Variants in MYO9B observed in about 807,000 individuals in gnomAD.
The protein encoded by MYO9B is unconventional myosin-IXb.
MYO9B carries 71 observed loss-of-function variants against 229.5 expected under a neutral mutation model. The ratio of observed to expected loss-of-function variants is 0.31; its 90% CI spans 0.26 to 0.38. MYO9B has a LOEUF of 0.38. Among genes scored for constraint, MYO9B ranks in the 10% least tolerant of loss-of-function variants. The pLI, the probability that MYO9B is intolerant of heterozygous loss-of-function variation, is 1.00. For synonymous variants in MYO9B, 1,185 were observed against 1,235.8 expected (o/e 0.96, Z 0.86); for missense variants, 2,255 against 2,920.5 (o/e 0.77, Z 5.25).
At chr19:17,154,133 G>A in intron 5 of MYO9B, 67 bp downstream of exon 5, 1 of 1,509,246 alleles carries the variant, frequency 6.6e-7, no homozygotes, top group Non-Finnish European at 9.2e-7. Context: ...TTTATGTATA[G>A]CCGGGAAGTC....
intron 2 of MYO9B, among the ~76,000 whole-genome samples, chr19:17,124,570 G>A (rs1325262789): frequency 6.6e-6 from 1 of 151,860 alleles, no homozygotes; most frequent in Non-Finnish European, 1.5e-5. Context: ...TCAGGAGTTC[G>A]AGCTCAGCCT....
chr19:17,082,788 C>G (rs1382803008), intron 1 of MYO9B, among the ~76,000 whole-genome samples: 1 of 152,060 alleles, frequency 6.6e-6, no homozygotes, highest in Non-Finnish European at 1.5e-5. Flanking sequence ...GTTCCTTTCC[C>G]CTGGGTGGTC....
At chr19:17,131,106 C>A (rs192298152) in intron 2 of MYO9B, among the ~76,000 whole-genome samples, 1 of 152,254 alleles carries the variant, frequency 6.6e-6, no homozygotes, top group East Asian at 1.9e-4. Context: ...TCAGTGTTTC[C>A]TCTTAGTAAT....
chr19:17,163,092 C>T lies in MYO9B; in HGVS notation c.1641C>T (p.Tyr547=), dbSNP rs376993100. The T allele has an allele frequency of 1.9e-6, 3 of 1,563,836 alleles. No homozygotes were observed. In the African/African-American group the frequency reaches 4.1e-5, roughly 21 times the overall value. Residue 547 remains tyrosine (Y), a synonymous_variant, in exon 10 of 40, where the codon TAC becomes TAT. Coordinates refer to ENST00000682292, the MANE Select transcript of MYO9B (RefSeq NM_004145.4). ...ACGCCAATGAGCAGCTGCAGTATTA[C>T]TTCAACCAGCACATCTTCAAGCTGG... The part of the protein sequence containing the change: ...INYANEQLQY[Y]FNQHIFKLEQ...
At chr19:17,099,726 GAGA>G (rs2057726427) in intron 1 of MYO9B, among the ~76,000 whole-genome samples, 1 of 151,456 alleles carries the variant, frequency 6.6e-6, no homozygotes, top group African/African-American at 2.4e-5. Context: ...GCTGAGGCAG[GAGA>G]ATGGCGTGAA....
intron 1 of MYO9B, among the ~76,000 whole-genome samples, chr19:17,079,370 C>T (rs924533325): frequency 1.3e-5 from 2 of 152,124 alleles, no homozygotes; most frequent in African/African-American, 4.8e-5. Flanking sequence ...GGGTAGGCAA[C>T]GTGCCCGAGG....
chr19:17,102,398 C>A lies in MYO9B; in HGVS notation c.681C>A (p.Leu227=). 1 of 1,614,018 alleles carries A rather than the reference C, an allele frequency of 6.2e-7. No homozygotes were observed. Among genetic ancestry groups the A allele is most frequent in the South Asian group, 1.1e-5 (1 of 91,086 alleles). ...ALADVAYYTM[L]RKRVNQCIVI... ...CCGACGTGGCCTACTACACCATGCT[C>A]AGGAAGCGCGTGAACCAGTGCATCG... Residue 227 remains leucine (L), a synonymous_variant, in exon 2 of 40, where the codon CTC becomes CTA. Transcript: ENST00000682292.
At chr19:17,160,187 G>A (rs2072582666) in intron 8 of MYO9B, among the ~76,000 whole-genome samples, 1 of 152,180 alleles carries the variant, frequency 6.6e-6, no homozygotes, top group South Asian at 2.1e-4. Context: ...CACCCGATGG[G>A]AAGCTGCTGT....
At chr19:17,210,977 CTT>C (rs35355662) in intron 38 of MYO9B, 129 bp downstream of exon 38, 15,324 of 325,268 alleles carry the variant, frequency 0.047, no homozygotes, top group Middle Eastern at 0.059. Context: ...GCAAACAACA[CTT>C]TTTTTTTTTT....
chr19:17,125,755 A>C (rs900847534), intron 2 of MYO9B, among the ~76,000 whole-genome samples: 2 of 152,170 alleles, frequency 1.3e-5, no homozygotes, highest in Non-Finnish European at 2.9e-5. Flanking sequence ...CGTCCATCTG[A>C]CCAGCAACCA....
chr19:17,153,013 G>A (rs536555284), intron 4 of MYO9B, among the ~76,000 whole-genome samples: 65 of 152,258 alleles, frequency 4.3e-4, no homozygotes, highest in Admixed American at 2.2e-3. Context: ...ATGGTAGCAC[G>A]TGCCTGTAGT....
intron 1 of MYO9B, among the ~76,000 whole-genome samples, chr19:17,080,433 A>G (rs539837597): frequency 2.0e-5 from 3 of 152,240 alleles, no homozygotes; most frequent in East Asian, 1.9e-4. Context: ...TGGCTCATAC[A>G]TAGCCGTCTT....
intron 2 of MYO9B, among the ~76,000 whole-genome samples, chr19:17,120,505 T>C (rs2057951929): frequency 6.6e-6 from 1 of 150,846 alleles, no homozygotes; most frequent in Non-Finnish European, 1.5e-5. Flanking sequence ...TAGCCAGGCA[T>C]GTGCCTGTAA....
At chr19:17,187,620 A>G (rs2072933491) in intron 18 of MYO9B, among the ~76,000 whole-genome samples, 2 of 142,288 alleles carry the variant, frequency 1.4e-5, no homozygotes, top group African/African-American at 5.4e-5. Context: ...GAGTCTCACT[A>G]TGTTGCCCAG....
At chr19:17,111,834 T>C (rs2057850694) in intron 2 of MYO9B, among the ~76,000 whole-genome samples, 1 of 152,208 alleles carries the variant, frequency 6.6e-6, no homozygotes, top group Non-Finnish European at 1.5e-5. Flanking sequence ...CCTGTCTCTA[T>C]GGATCTGCCT....
Position 17,172,375 on chromosome 19 carries a change from C to G in MYO9B, c.1833C>G (p.Phe611Leu), listed in dbSNP as rs1268142870. ...HATSQTLLAK[F>L]KQQHEDNKYF... is the part of the protein sequence containing the mutation. ...CGAGCCAGACCCTGCTGGCCAAGTT[C>G]AAACAGCAACATGAGGACAATAAGT... The change falls in exon 12 of 40, where the codon TTC becomes TTG. Residue 611 changes from phenylalanine to leucine, a missense_variant. By Grantham distance (22) the Phe-to-Leu change is conservative. This residue lies in a region of MYO9B where 220 missense variants were observed against 404.5 expected (regional missense o/e 0.54). Transcript: ENST00000682292. The surrounding 1 kb of genome is among the most constrained non-coding windows in gnomAD (Gnocchi z 8.2). 1 of 1,613,888 alleles carries G rather than the reference C, an allele frequency of 6.2e-7. No individual in the cohort carries two copies. Among genetic ancestry groups the G allele is most frequent in the Non-Finnish European group, 8.5e-7 (1 of 1,179,892 alleles).
In MYO9B at chr19:17,157,207, G is replaced by T. The variant is rs2072546822; in HGVS notation, c.1329+169G>T. On this transcript the variant is annotated intron_variant, in intron 7 of 39. Transcript: ENST00000682292. Reference sequence around the variant, plus strand: ...AGTGTTCCTTCCTCATTTCTGATGAGCTCTGTGGACAGGGGCACCTCCTCC... The same window carrying T: ...AGTGTTCCTTCCTCATTTCTGATGATCTCTGTGGACAGGGGCACCTCCTCC... 4.8e-6 allele frequency: 4 copies of T among 837,846 alleles called. No homozygotes were observed. In the Admixed American group the frequency reaches 1.0e-4, roughly 22 times the overall value. The allele number at this position is 837,846 out of a possible 1,614,324, so 51.9% of individuals were successfully genotyped here. A position where few individuals can be genotyped will look rare whatever the true frequency, so the allele number is the denominator to read the frequency against.
intron 7 of MYO9B, among the ~76,000 whole-genome samples, chr19:17,158,728 C>T (rs1295492276): frequency 6.6e-6 from 1 of 152,158 alleles, no homozygotes; most frequent in Non-Finnish European, 1.5e-5. Flanking sequence ...AAGGTCTAAG[C>T]CCAGGCCCTG....
At chr19:17,121,986 CA>C (rs78785498) in intron 2 of MYO9B, among the ~76,000 whole-genome samples, 3,274 of 132,730 alleles carry the variant, frequency 0.025, 30 homozygotes, top group Non-Finnish European at 0.034. Flanking sequence ...AACCCTGTCT[CA>C]AAAAAAAAAA....
Sources: allele counts gnomAD v4.1 joint callset (sites outside exome capture counted in the v4.1 genomes callset), GRCh38; gene constraint gnomAD v4.1.1; regional missense constraint gnomAD v4.1.1; non-coding constraint Gnocchi (gnomAD v3.1); transcripts MANE v1.5; gene names NCBI Gene and HGNC (gene_info 2026-07-23, HGNC 2026-07-21).